The following FAM120AOS variants were observed in gnomAD, a reference collection of about 807,000 sequenced individuals.
FAM120AOS encodes family with sequence similarity 120 member A opposite strand.
A neutral mutation model predicts 20.2 loss-of-function variants in FAM120AOS; 15 were observed. That is an observed-to-expected ratio of 0.74 (90% CI 0.50 to 1.15). FAM120AOS has a LOEUF of 1.15. FAM120AOS is among the 50% of genes most tolerant of loss of function. The pLI is 0.00. For synonymous variants in FAM120AOS, 154 were observed against 154.0 expected (o/e 1.00, Z 0.00); for missense variants, 327 against 351.9 (o/e 0.93, Z 0.57).
At position 93,444,187 on chromosome 9, in the gene FAM120AOS, T is replaced by G. The variant is rs1856777383; in HGVS notation, c.*3424A>C. Among the ~76,000 whole-genome samples the G allele has an allele frequency of 6.6e-6, 1 of 151,952 alleles. No individual in the cohort carries two copies. Among genetic ancestry groups the G allele is most frequent in the African/African-American group, 2.4e-5 (1 of 41,356 alleles). Reference sequence around the variant, plus strand: ...TCCCGAGTAGCTGGAATTATAGGCATGCACCACCACGCCCAGCTAATTTTG... The same window carrying G: ...TCCCGAGTAGCTGGAATTATAGGCAGGCACCACCACGCCCAGCTAATTTTG... On this transcript the variant is annotated 3_prime_UTR_variant, in exon 3 of 3. Transcript: ENST00000375412.
chr9:93,451,555 G>A (rs1316997555), intron 1 of FAM120AOS: 1 of 985,794 alleles, frequency 1.0e-6, no homozygotes, highest in Non-Finnish European at 1.2e-6. Flanking sequence ...CGGGAGCCCC[G>A]AGCCGCGTCC....
In FAM120AOS at chr9:93,453,217, A is replaced by G; in HGVS notation, c.-508T>C. On this transcript the variant is annotated 5_prime_UTR_variant, in exon 1 of 3. Coordinates refer to ENST00000375412, the MANE Select transcript of FAM120AOS (RefSeq NM_198841.4). ...TTTATTTTTCGGGTGCACAGTAAGTATTCAGTGACCTTCAGCGGTGCCCTG... is the reference window on the plus strand; with the variant it reads ...TTTATTTTTCGGGTGCACAGTAAGTGTTCAGTGACCTTCAGCGGTGCCCTG... 1.0e-6 allele frequency: 1 copy of G among 1,000,760 alleles called. No homozygotes were observed. Among genetic ancestry groups the G allele is most frequent in the South Asian group, 4.3e-5 (1 of 23,220 alleles). 62.0% of individuals were successfully genotyped at this position (1,000,760 alleles called of 1,614,324 possible). A position where few individuals can be genotyped will look rare whatever the true frequency, so the allele number is the denominator to read the frequency against.
In FAM120AOS at chr9:93,451,543, T is replaced by G. The variant is rs1214796906; in HGVS notation, c.563+604A>C. On this transcript the variant is annotated intron_variant, in intron 1 of 2. Transcript: ENST00000375412. The stretch of plus-strand genomic sequence containing the variant: ...CCGGGCCTCCGCCTCCGCCGCCGCC[T>G]CCGGGAGCCCCGAGCCGCGTCCCGC... The G allele has an allele frequency of 1.0e-5, 10 of 985,170 alleles. No homozygotes were observed. In the East Asian group the frequency reaches 4.6e-4, roughly 45 times the overall value. 61.0% of individuals were successfully genotyped at this position (985,170 alleles called of 1,614,324 possible). A position where few individuals can be genotyped will look rare whatever the true frequency, so the allele number is the denominator to read the frequency against.
Position 93,452,438 on chromosome 9 carries a change from C to T in FAM120AOS, c.272G>A (p.Gly91Glu). 1 of 1,563,120 alleles carries T rather than the reference C, an allele frequency of 6.4e-7. No individual in the cohort carries two copies. The highest frequency in any genetic ancestry group is 8.6e-7 in the Non-Finnish European group (1 of 1,156,468). The change falls in exon 1 of 3, where the codon GGG becomes GAG. Residue 91 changes from glycine to glutamate, a missense_variant. Around this residue, in one of 3 missense-constraint regions of FAM120AOS, gnomAD observed 155 missense variants for 128.8 expected, o/e 1.20. Coordinates refer to ENST00000375412, the MANE Select transcript of FAM120AOS (RefSeq NM_198841.4). The surrounding 1 kb of genome is among the most constrained non-coding windows in gnomAD (Gnocchi z 7.0). ...ATFCALGRGI[G>E]VRRGPGPRPA... ...CCGGGGACCGGGGCCGCGCCGCACC[C>T]CTATCCCCCTTCCCAGGGCGCAGAA... is the stretch of plus-strand genomic sequence containing the variant.
chr9:93,451,883 GCCCGCA>G, intron 1 of FAM120AOS: 2 of 712,192 alleles, frequency 2.8e-6, no homozygotes, highest in Non-Finnish European at 3.5e-6. Context: ...GCCGCCCCCC[GCCCGCA>G]CCCGCGCCCG....
At chr9:93,449,738 G>A (rs533968278) in intron 2 of FAM120AOS, among the ~76,000 whole-genome samples, 1 of 151,762 alleles carries the variant, frequency 6.6e-6, no homozygotes, top group East Asian at 1.9e-4. Flanking sequence ...TGCCCGCCTC[G>A]GCCTCCCAAC....
At chr9:93,448,244 T>A (rs1156453456) in intron 2 of FAM120AOS, 1 of 153,888 alleles carries the variant, frequency 6.5e-6, no homozygotes, top group Non-Finnish European at 1.4e-5. Context: ...CTGTAATCCC[T>A]GCACTTTGGG....
In FAM120AOS at chr9:93,445,958, T is replaced by C. The variant is rs1475207769; in HGVS notation, c.*1653A>G. Reference sequence around the variant, plus strand: ...CTGTGCCAAAATCCTCACTTCTGAGTGCACTGATGCAGTAGATGGATGTCT... The same window carrying C: ...CTGTGCCAAAATCCTCACTTCTGAGCGCACTGATGCAGTAGATGGATGTCT... On this transcript the variant is annotated 3_prime_UTR_variant, in exon 3 of 3. Transcript: ENST00000375412. Among the ~76,000 whole-genome samples, 1 of 152,158 alleles carries C rather than the reference T, an allele frequency of 6.6e-6. No homozygotes were observed. The highest frequency in any genetic ancestry group is 1.9e-4 in the East Asian group (1 of 5,194).
chr9:93,451,093 G>A (rs1335767606), intron 1 of FAM120AOS: 15 of 1,550,604 alleles, frequency 9.7e-6, no homozygotes, highest in East Asian at 4.9e-5. Context: ...AGCACCTGCC[G>A]CGGAACTGCA....
At chr9:93,449,971 T>C (rs1857034090) in intron 2 of FAM120AOS, among the ~76,000 whole-genome samples, 1 of 152,162 alleles carries the variant, frequency 6.6e-6, no homozygotes, top group Non-Finnish European at 1.5e-5. Flanking sequence ...AATGGCTAAC[T>C]GTATTATTTC....
At position 93,447,559 on chromosome 9, in the gene FAM120AOS, CAG is replaced by C; in HGVS notation, c.*50_*51del. On this transcript the variant is annotated 3_prime_UTR_variant, in exon 3 of 3. Coordinates refer to ENST00000375412, the MANE Select transcript of FAM120AOS (RefSeq NM_198841.4). The stretch of plus-strand genomic sequence containing the variant: ...GCATTTTCCCTCACACGATGGGTAT[CAG>C]GGTGGTTTCTTGTCCTTTCAATGCC... The C allele has an allele frequency of 6.8e-7, 1 of 1,475,762 alleles. No individual in the cohort carries two copies. The highest frequency in any genetic ancestry group is 9.5e-7 in the Non-Finnish European group (1 of 1,056,276). 91.4% of individuals were successfully genotyped at this position (1,475,762 alleles called of 1,614,324 possible).
rs1204145006 is a variant in FAM120AOS at position 93,443,969 on chromosome 9, C to T, written c.*3642G>A. 2.0e-5 allele frequency among the ~76,000 whole-genome samples: 3 copies of T among 152,294 alleles called. No homozygotes were observed. The East Asian group carries it at 5.8e-4, about 29-fold the overall frequency. On this transcript the variant is annotated 3_prime_UTR_variant, in exon 3 of 3. Transcript: ENST00000375412. The stretch of plus-strand genomic sequence containing the variant: ...ATGGATTATTTCCACATTCTTCAGA[C>T]CATAGGGTCATTTTTTCCTGCTCCT...
In FAM120AOS at chr9:93,452,255, A is replaced by G; in HGVS notation, c.455T>C (p.Leu152Ser). ...LTICCAVWRS[L>S]PCRLTHSCSR... ...GCACGAGTGGGTCAAGCGGCAGGGC[A>G]ACGAGCGCCAGACGGCACAGCAGAT... The change falls in exon 1 of 3, where the codon TTG becomes TCG. Residue 152 changes from leucine to serine, a missense_variant. By Grantham distance (145) the Leu-to-Ser change is moderately radical. This residue lies in a region of FAM120AOS where 86 missense variants were observed against 140.2 expected (regional missense o/e 0.61). Coordinates refer to ENST00000375412, the MANE Select transcript of FAM120AOS (RefSeq NM_198841.4). The surrounding 1 kb of genome is among the most constrained non-coding windows in gnomAD (Gnocchi z 7.0). 1 of 1,610,678 alleles carries G rather than the reference A, an allele frequency of 6.2e-7. No individual in the cohort carries two copies. The highest frequency in any genetic ancestry group is 2.2e-5 in the East Asian group (1 of 44,768).
At chr9:93,451,708 G>T in intron 1 of FAM120AOS, 1 of 980,338 alleles carries the variant, frequency 1.0e-6, no homozygotes. Flanking sequence ...CGGCGGCAGC[G>T]GCGGCGGCGG....
Position 93,446,424 on chromosome 9 carries a change from C to T in FAM120AOS, c.*1187G>A, listed in dbSNP as rs950287554. The T allele has an allele frequency of 6.6e-6, 1 of 152,002 alleles. No homozygotes were observed. Among genetic ancestry groups the T allele is most frequent in the Non-Finnish European group, 1.5e-5 (1 of 68,016 alleles). 9.4% of individuals were successfully genotyped at this position (152,002 alleles called of 1,614,324 possible). A position where few individuals can be genotyped will look rare whatever the true frequency, so the allele number is the denominator to read the frequency against. ...AACAGACCACTTAACAATAGCTAGTCTCTAAAATGTACATCTTAAAATGGC... is the reference window on the plus strand; with the variant it reads ...AACAGACCACTTAACAATAGCTAGTTTCTAAAATGTACATCTTAAAATGGC... On this transcript the variant is annotated 3_prime_UTR_variant, in exon 3 of 3. Coordinates refer to ENST00000375412, the MANE Select transcript of FAM120AOS (RefSeq NM_198841.4).
In FAM120AOS at chr9:93,446,191, T is replaced by C. The variant is rs1030398786; in HGVS notation, c.*1420A>G. On this transcript the variant is annotated 3_prime_UTR_variant, in exon 3 of 3. Coordinates refer to ENST00000375412, the MANE Select transcript of FAM120AOS (RefSeq NM_198841.4). The stretch of plus-strand genomic sequence containing the variant: ...TCTCGTCAACCCTGACCTCTTCCTT[T>C]GTCAGCAAGGTCAAACGCCTGAGCC... 2.6e-5 allele frequency among the ~76,000 whole-genome samples: 4 copies of C among 152,194 alleles called. No homozygotes were observed. The East Asian group carries it at 7.7e-4, about 29-fold the overall frequency.
chr9:93,444,743 T>C lies in FAM120AOS; in HGVS notation c.*2868A>G, dbSNP rs1229777359. ...GATTCTTCTGCCTCAGCCTCCCTAGTAGCTGGGATTACAGGCATGTGCCAC... is the reference window on the plus strand; with the variant it reads ...GATTCTTCTGCCTCAGCCTCCCTAGCAGCTGGGATTACAGGCATGTGCCAC... On this transcript the variant is annotated 3_prime_UTR_variant, in exon 3 of 3. Coordinates refer to ENST00000375412, the MANE Select transcript of FAM120AOS (RefSeq NM_198841.4). 6.6e-6 allele frequency among the ~76,000 whole-genome samples: 1 copy of C among 152,108 alleles called. No homozygotes were observed. The highest frequency in any genetic ancestry group is 2.4e-5 in the African/African-American group (1 of 41,408).
At position 93,447,455 on chromosome 9, in the gene FAM120AOS, A is replaced by G; in HGVS notation, c.*156T>C. On this transcript the variant is annotated 3_prime_UTR_variant, in exon 3 of 3. Coordinates refer to ENST00000375412, the MANE Select transcript of FAM120AOS (RefSeq NM_198841.4). ...GATGTGTTAATAAAAGTGGATAAAG[A>G]CCACTCTAGCTTTAAAACACCCTCC... The G allele has an allele frequency of 3.0e-6, 2 of 673,448 alleles. No homozygotes were observed. Among genetic ancestry groups the G allele is most frequent in the Non-Finnish European group, 5.2e-6 (2 of 384,526 alleles). The allele number at this position is 673,448 out of a possible 1,614,324, so 41.7% of individuals were successfully genotyped here. A position where few individuals can be genotyped will look rare whatever the true frequency, so the allele number is the denominator to read the frequency against.
At position 93,445,580 on chromosome 9, in the gene FAM120AOS, GTTGTT is replaced by G. The variant is rs1425089334; in HGVS notation, c.*2026_*2030del. On this transcript the variant is annotated 3_prime_UTR_variant, in exon 3 of 3. Transcript: ENST00000375412. ...TGGTTCTCCAACTTTCATAAAAATC[GTTGTT>G]TTTTTTTTTTTTTTTTTTTTTTGAG... Among the ~76,000 whole-genome samples the G allele has an allele frequency of 3.0e-4, 32 of 106,382 alleles. No individual in the cohort carries two copies. The highest frequency in any genetic ancestry group is 8.9e-4 in the African/African-American group (25 of 28,206). 69.8% of individuals were successfully genotyped at this position (106,382 alleles called of 152,430 possible). A position where few individuals can be genotyped will look rare whatever the true frequency, so the allele number is the denominator to read the frequency against.
Sources: allele counts gnomAD v4.1 joint callset (sites outside exome capture counted in the v4.1 genomes callset), GRCh38; gene constraint gnomAD v4.1.1; regional missense constraint gnomAD v4.1.1; non-coding constraint Gnocchi (gnomAD v3.1); transcripts MANE v1.5; gene names NCBI Gene and HGNC (gene_info 2026-07-23, HGNC 2026-07-21).